Variants in SUOX observed in about 807,000 individuals in gnomAD.
The protein encoded by SUOX is sulfite oxidase, mitochondrial.
A neutral mutation model predicts 41.9 loss-of-function variants in SUOX; 39 were observed. That is an observed-to-expected ratio of 0.93 (90% confidence interval 0.72 to 1.21). The LOEUF (loss-of-function observed/expected upper bound fraction) is 1.21. Among genes scored for constraint, SUOX ranks in the 50% most tolerant of loss-of-function variants. The pLI is 0.00. For synonymous variants in SUOX, 220 were observed against 268.4 expected, an observed-to-expected ratio of 0.82 and a Z score of 1.76; for missense variants, 633 against 689.5, an observed-to-expected ratio of 0.92 and a Z score of 0.92.
At chr12:56,000,125 C>A (rs1162525119) in intron 2 of SUOX, among the ~76,000 whole-genome samples, 6 of 152,234 alleles carry the variant, frequency 3.9e-5, no homozygotes, top group Admixed American at 2.6e-4. Flanking sequence ...AGCTGCCTGC[C>A]AGTCTCGGTG....
At position 56,005,167 on chromosome 12, in the gene SUOX, AC is replaced by A. The variant is rs1405452500; in HGVS notation, c.*143del. Reference sequence around the variant, plus strand: ...CCCAAGTACACATATAGCACATTTCACCCAAGGACCTTCCCTCTTTGGACAC... The same window carrying A: ...CCCAAGTACACATATAGCACATTTCACCAAGGACCTTCCCTCTTTGGACAC... On this transcript the variant is annotated 3_prime_UTR_variant, in exon 5 of 5. Transcript: ENST00000266971. 1.1e-6 allele frequency: 1 copy of A among 924,588 alleles called. No individual in the cohort carries two copies. The highest frequency in any genetic ancestry group is 1.6e-5 in the African/African-American group (1 of 61,178). The allele number at this position is 924,588 out of a possible 1,614,324, so 57.3% of individuals were successfully genotyped here.
Position 56,002,655 on chromosome 12 carries a change from T to C in SUOX, c.163T>C (p.Trp55Arg). The part of the protein sequence containing the change: ...FSGDNSSTQG[W>R]RVMGTLLGLG... ...TGGTGATAACTCCAGCACCCAGGGA[T>C]GGAGAGTCATGGGGACCCTATTAGG... The change falls in exon 4 of 5, where the codon TGG becomes CGG. Residue 55 changes from tryptophan to arginine, a missense_variant. Trp to Arg is a moderately radical substitution (Grantham distance 101, BLOSUM62 -3). Transcript: ENST00000266971. 1 of 1,613,966 alleles carries C rather than the reference T, an allele frequency of 6.2e-7. No individual in the cohort carries two copies. Among genetic ancestry groups the C allele is most frequent in the Non-Finnish European group, 8.5e-7 (1 of 1,179,992 alleles).
At chr12:56,001,925 T>C (rs1476595351) in intron 2 of SUOX, 1 of 1,298,870 alleles carries the variant, frequency 7.7e-7, no homozygotes, top group East Asian at 3.6e-5. Context: ...GTGGACAAAG[T>C]TCAGAATGGA....
rs758495258 is a variant in SUOX at position 56,005,001 on chromosome 12, C to G, written c.1612C>G (p.Arg538Gly). The G allele has an allele frequency of 1.2e-6, 2 of 1,613,288 alleles. No homozygotes were observed. The highest frequency in any genetic ancestry group is 3.3e-5 in the Admixed American group (2 of 60,024). ...LRGVLSNAWH[R>G]VHVYVSP ...AGGTGTTCTCAGCAATGCCTGGCAT[C>G]GTGTCCATGTCTATGTCTCCCCATG... Residue 538 changes from arginine (R) to glycine (G), a missense_variant, in exon 5 of 5, where the codon CGT becomes GGT. Transcript: ENST00000266971.
chr12:56,001,909 T>A, intron 2 of SUOX: 1 of 1,272,832 alleles, frequency 7.9e-7, no homozygotes, highest in Non-Finnish European at 1.0e-6. Context: ...GGCATCGTTC[T>A]CTATGGTGGA....
chr12:56,004,796 C>G lies in SUOX; in HGVS notation c.1407C>G (p.Thr469=). 1 of 1,614,140 alleles carries G rather than the reference C, an allele frequency of 6.2e-7. No homozygotes were observed. Among genetic ancestry groups the G allele is most frequent in the East Asian group, 2.2e-5 (1 of 44,870 alleles). Residue 469 remains threonine, a synonymous_variant, in exon 5 of 5, where the codon ACC becomes ACG. Coordinates refer to ENST00000266971, the MANE Select transcript of SUOX (RefSeq NM_001032386.2). This position sits in a 1 kb window ranked among gnomAD's most constrained non-coding sequence, Gnocchi z 4.5. Reference sequence around the variant, plus strand: ...ATGTGTCTCTGGATGGGGGCCTAACCTGGCAGGTGGCTAAGCTGGATGGAG... The same window carrying G: ...ATGTGTCTCTGGATGGGGGCCTAACGTGGCAGGTGGCTAAGCTGGATGGAG... ...RVDVSLDGGL[T]WQVAKLDGEE...
chr12:56,002,242 T>C lies in SUOX; in HGVS notation c.21T>C (p.Ala7=), dbSNP rs567579499. The C allele has an allele frequency of 1.2e-6, 2 of 1,612,970 alleles. No individual in the cohort carries two copies. Among genetic ancestry groups the C allele is most frequent in the South Asian group, 1.1e-5 (1 of 91,084 alleles). Reference sequence around the variant, plus strand: ...CTACAATGCTGCTGCTGCACAGAGCTGTGGTCCTCAGGCTCCAACAGGCCT... The same window carrying C: ...CTACAATGCTGCTGCTGCACAGAGCCGTGGTCCTCAGGCTCCAACAGGCCT... MLLLHR[A]VVLRLQQACR... The change falls in exon 3 of 5, where the codon GCT becomes GCC. Residue 7 remains alanine (A), a synonymous_variant. Coordinates refer to ENST00000266971, the MANE Select transcript of SUOX (RefSeq NM_001032386.2).
intron 2 of SUOX, among the ~76,000 whole-genome samples, chr12:56,001,020 C>T (rs1258312841): frequency 6.6e-6 from 1 of 151,636 alleles, no homozygotes; most frequent in African/African-American, 2.4e-5. Context: ...CTCCTGACAT[C>T]GTGATCTGCC....
At chr12:55,998,597 C>T (rs963184635) in intron 2 of SUOX, among the ~76,000 whole-genome samples, 6 of 152,038 alleles carry the variant, frequency 3.9e-5, no homozygotes, top group Non-Finnish European at 7.4e-5. Context: ...GTAATCCCAG[C>T]ACTTTGGGGG....
intron 4 of SUOX, 107 bp downstream of exon 4, chr12:56,002,827 G>T: frequency 7.3e-7 from 1 of 1,371,480 alleles, no homozygotes; most frequent in South Asian, 1.2e-5. Context: ...TTGAGGTTAG[G>T]AGTTTGAGAC....
chr12:56,004,437 TATGA>T lies in SUOX; in HGVS notation c.1049_1052del (p.Tyr350Ter). 6.2e-7 allele frequency: 1 copy of T among 1,614,048 alleles called. No homozygotes were observed. Among genetic ancestry groups the T allele is most frequent in the Non-Finnish European group, 8.5e-7 (1 of 1,179,982 alleles). Reference sequence around the variant, plus strand: ...CCCTGAAGCTGAGGTCCTGCTGGCATATGAGATGAATGGGCAGCCTCTGCCACGT... The same window carrying T: ...CCCTGAAGCTGAGGTCCTGCTGGCATGATGAATGGGCAGCCTCTGCCACGT... On this transcript the variant is annotated frameshift_variant, in exon 5 of 5. Transcript: ENST00000266971. LOFTEE classifies it high-confidence loss of function. This position sits in a 1 kb window ranked among gnomAD's most constrained non-coding sequence, Gnocchi z 4.5.
At position 56,004,361 on chromosome 12, in the gene SUOX, C is replaced by T. The variant is rs776352491; in HGVS notation, c.972C>T (p.Asp324=). ...TCTGCTTTGAGGGACTGGACTCAGA[C>T]CCTACTGGGACTGCCTATGGAGCAT... ...AHVCFEGLDS[D]PTGTAYGASI... The change falls in exon 5 of 5, where the codon GAC becomes GAT. Residue 324 remains aspartate, a synonymous_variant. Coordinates refer to ENST00000266971, the MANE Select transcript of SUOX (RefSeq NM_001032386.2). The surrounding 1 kb of genome is among the most constrained non-coding windows in gnomAD (Gnocchi z 4.5). 3 of 1,614,136 alleles carry T rather than the reference C, an allele frequency of 1.9e-6. No individual in the cohort carries two copies. The highest frequency in any genetic ancestry group is 4.5e-5 in the East Asian group (2 of 44,886).
Position 56,002,644 on chromosome 12 carries a change from G to A in SUOX, c.152G>A (p.Ser51Asn). The A allele has an allele frequency of 1.2e-6, 2 of 1,613,980 alleles. No homozygotes were observed. The highest frequency in any genetic ancestry group is 1.7e-6 in the Non-Finnish European group (2 of 1,180,004). Residue 51 changes from serine to asparagine, a missense_variant, in exon 4 of 5, where the codon AGC becomes AAC. Coordinates refer to ENST00000266971, the MANE Select transcript of SUOX (RefSeq NM_001032386.2). ...PSLTFSGDNS[S>N]TQGWRVMGTL... The stretch of plus-strand genomic sequence containing the variant: ...CTCACCTTCTCTGGTGATAACTCCA[G>A]CACCCAGGGATGGAGAGTCATGGGG...
rs895632520 is a variant in SUOX at position 56,005,057 on chromosome 12, C to T, written c.*30C>T. 2.7e-5 allele frequency: 44 copies of T among 1,601,960 alleles called. No homozygotes were observed. The highest frequency in any genetic ancestry group is 3.6e-5 in the Non-Finnish European group (42 of 1,177,834). ...GGAAAGGAGCCACCTCCACCCCTTTCCCCACCCATTAGCCTCACTGCTTCA... is the reference window on the plus strand; with the variant it reads ...GGAAAGGAGCCACCTCCACCCCTTTTCCCACCCATTAGCCTCACTGCTTCA... On this transcript the variant is annotated 3_prime_UTR_variant, in exon 5 of 5. Coordinates refer to ENST00000266971, the MANE Select transcript of SUOX (RefSeq NM_001032386.2).
chr12:56,002,871 G>A, intron 4 of SUOX, 151 bp downstream of exon 4: 1 of 790,260 alleles, frequency 1.3e-6, no homozygotes, highest in East Asian at 2.8e-5. Context: ...CCCATCTCTA[G>A]TAAAAATTAG....
rs1890655414 is a variant in SUOX at position 56,004,343 on chromosome 12, T to G, written c.954T>G (p.Phe318Leu). The change falls in exon 5 of 5, where the codon TTT (phenylalanine) becomes TTG (leucine). Residue 318 changes from phenylalanine (F) to leucine (L), a missense_variant. By Grantham distance (22) the Phe-to-Leu change is conservative. Transcript: ENST00000266971. This position sits in a 1 kb window ranked among gnomAD's most constrained non-coding sequence, Gnocchi z 4.5. ...QLCETEAHVC[F>L]EGLDSDPTGT... ...GTGAAACTGAGGCCCACGTCTGCTT[T>G]GAGGGACTGGACTCAGACCCTACTG... The G allele has an allele frequency of 6.2e-7, 1 of 1,614,030 alleles. No individual in the cohort carries two copies. Among genetic ancestry groups the G allele is most frequent in the Non-Finnish European group, 8.5e-7 (1 of 1,180,012 alleles).
chr12:56,002,001 T>C (rs532676114), intron 2 of SUOX: 63 of 1,433,906 alleles, frequency 4.4e-5, no homozygotes, highest in Non-Finnish European at 5.7e-5. Flanking sequence ...CCCACCCGCA[T>C]TACCTGCCAT....
chr12:56,002,136 C>A (rs1890552443), intron 2 of SUOX, 76 bp from the exon 3 acceptor site: 3 of 1,584,932 alleles, frequency 1.9e-6, no homozygotes, highest in Non-Finnish European at 2.6e-6. Context: ...GTCTTCCTCT[C>A]ACCCATTCCC....
chr12:56,005,112 G>A lies in SUOX; in HGVS notation c.*85G>A. 6.7e-7 allele frequency: 1 copy of A among 1,500,146 alleles called. No individual in the cohort carries two copies. Among genetic ancestry groups the A allele is most frequent in the Non-Finnish European group, 9.2e-7 (1 of 1,091,752 alleles). 92.9% of individuals were successfully genotyped at this position (1,500,146 alleles called of 1,614,324 possible). ...AATCTTTCCCACCTTTCAACTTCTT[G>A]GATCACAACTCTGGCCTTCCTAAGC... On this transcript the variant is annotated 3_prime_UTR_variant, in exon 5 of 5. Transcript: ENST00000266971.
Sources: allele counts gnomAD v4.1 joint callset (sites outside exome capture counted in the v4.1 genomes callset), GRCh38; gene constraint gnomAD v4.1.1; non-coding constraint Gnocchi (gnomAD v3.1); transcripts MANE v1.5; gene names NCBI Gene and HGNC (gene_info 2026-07-23, HGNC 2026-07-21).